MAP7: variants seen among roughly 807,000 people sequenced by gnomAD.
MAP7 encodes microtubule associated protein 7, also known as ensconsin.
A neutral mutation model predicts 94.8 loss-of-function variants in MAP7; 52 were observed. The observed-to-expected ratio is 0.55, with a 90% CI of 0.44 to 0.69. MAP7 has a LOEUF of 0.69. MAP7 is among the 30% of genes least tolerant of loss of function. MAP7 has a pLI of 0.00. For missense variants in MAP7, 940 were observed against 964.6 expected (o/e 0.97, Z 0.34); for synonymous variants, 350 against 357.0 (o/e 0.98, Z 0.22).
chr6:136,441,975 T>G (rs1262164359), intron 1 of MAP7, among the ~76,000 whole-genome samples: 1 of 152,090 alleles, frequency 6.6e-6, no homozygotes, highest in Non-Finnish European at 1.5e-5. Context: ...ATGGTGCCAC[T>G]GCACTCCAGC....
intron 3 of MAP7, among the ~76,000 whole-genome samples, chr6:136,405,955 T>C (rs1167938966): frequency 1.3e-5 from 2 of 152,222 alleles, no homozygotes; most frequent in East Asian, 3.8e-4. Flanking sequence ...CAGGAGGTTA[T>C]GAAATTTATT....
intron 8 of MAP7, among the ~76,000 whole-genome samples, chr6:136,371,134 T>C (rs1312448915): frequency 6.6e-6 from 1 of 152,106 alleles, no homozygotes; most frequent in African/African-American, 2.4e-5. Flanking sequence ...AAGAGGAAGG[T>C]AATAAAAACA....
intron 1 of MAP7, among the ~76,000 whole-genome samples, chr6:136,495,181 A>G (rs1032720712): frequency 2.6e-5 from 4 of 152,140 alleles, no homozygotes; most frequent in African/African-American, 9.7e-5. Context: ...GAACATGTAG[A>G]AAATTGATGG....
In MAP7 at chr6:136,361,134, C is replaced by G; in HGVS notation, c.1572G>C (p.Thr524=). 6.2e-7 allele frequency: 1 copy of G among 1,605,418 alleles called. No individual in the cohort carries two copies. Among genetic ancestry groups the G allele is most frequent in the Non-Finnish European group, 8.5e-7 (1 of 1,179,954 alleles). Residue 524 remains threonine (T), a synonymous_variant, in exon 12 of 18, where the codon ACG becomes ACC. Transcript: ENST00000354570. ...TGCGCGACTCCTCCTCACGGCGAGT[C>G]GTCCTCTCTTCAGCCACACGTTGAG... ...ELAQRVAEER[T]TRREEESRRL...
At chr6:136,358,640 T>C (rs1791655254) in intron 15 of MAP7, among the ~76,000 whole-genome samples, 1 of 152,222 alleles carries the variant, frequency 6.6e-6, no homozygotes, top group African/African-American at 2.4e-5. Flanking sequence ...CAATGTTCTG[T>C]CACATAAACC....
intron 1 of MAP7, among the ~76,000 whole-genome samples, chr6:136,480,159 GA>G (rs1353975739): frequency 6.6e-6 from 1 of 152,026 alleles, no homozygotes; most frequent in African/African-American, 2.4e-5. Flanking sequence ...CAGAACAATG[GA>G]ACAGAATAGA....
intron 1 of MAP7, among the ~76,000 whole-genome samples, chr6:136,450,198 A>C (rs527298770): frequency 1.3e-5 from 2 of 152,282 alleles, no homozygotes; most frequent in South Asian, 4.2e-4. Flanking sequence ...AATAAAAATA[A>C]AAATACCATT....
In MAP7 at chr6:136,363,174, C is replaced by A. The variant is rs1231712048; in HGVS notation, c.1274-472G>T. Among the ~76,000 whole-genome samples the A allele has an allele frequency of 4.6e-5, 7 of 152,246 alleles. No homozygotes were observed. In the East Asian group the frequency reaches 1.2e-3, roughly 25 times the overall value. ...AAGATGATACCCTATGAAGAGGACC[C>A]TTTTGTCTCCCCAGAGCTGTCTCTA... On this transcript the variant is annotated intron_variant, in intron 10 of 17. Transcript: ENST00000354570.
At chr6:136,383,629 A>C (rs1778389997) in intron 6 of MAP7, 42 bp downstream of exon 6, 1 of 1,076,716 alleles carries the variant, frequency 9.3e-7, no homozygotes, top group Admixed American at 2.6e-5. Flanking sequence ...AAAAAGCATT[A>C]AGTAAATAAC....
intron 1 of MAP7, among the ~76,000 whole-genome samples, chr6:136,483,321 A>T (rs1230832734): frequency 6.6e-6 from 1 of 152,008 alleles, no homozygotes; most frequent in East Asian, 1.9e-4. Flanking sequence ...GTACACATGG[A>T]CACCAAGAAG....
chr6:136,505,382 GGAGA>G (rs759012780), intron 1 of MAP7, among the ~76,000 whole-genome samples: 5 of 147,432 alleles, frequency 3.4e-5, no homozygotes, highest in Admixed American at 2.0e-4. Context: ...GGAGAGGAAG[GGAGA>G]GAGAGATGAA....
chr6:136,377,661 G>A lies in MAP7; in HGVS notation c.751+94C>T. On this transcript the variant is annotated intron_variant, in intron 7 of 17. Coordinates refer to ENST00000354570, the MANE Select transcript of MAP7 (RefSeq NM_003980.6). ...ACATTTCCACCGGGGGAAGAGAGAA[G>A]CGCATTTTAGGAAAAAGTGAGATGT... 3 of 896,454 alleles carry A rather than the reference G, an allele frequency of 3.3e-6. No individual in the cohort carries two copies. The South Asian group carries it at 4.2e-5, about 13-fold the overall frequency. 55.5% of individuals were successfully genotyped at this position (896,454 alleles called of 1,614,324 possible).
intron 6 of MAP7, among the ~76,000 whole-genome samples, chr6:136,380,758 A>G (rs1354044660): frequency 6.6e-6 from 1 of 152,238 alleles, no homozygotes; most frequent in African/African-American, 2.4e-5. Flanking sequence ...CAGTCCATGT[A>G]ACACCATATT....
intron 3 of MAP7, among the ~76,000 whole-genome samples, chr6:136,397,892 T>G (rs534050454): frequency 1.8e-4 from 28 of 152,280 alleles, no homozygotes; most frequent in African/African-American, 6.0e-4. Context: ...GTCCAAAAAA[T>G]GAACTGTGAT....
intron 1 of MAP7, among the ~76,000 whole-genome samples, chr6:136,463,974 C>G (rs1004447957): frequency 6.6e-6 from 1 of 152,148 alleles, no homozygotes; most frequent in Admixed American, 6.5e-5. Context: ...CTTGAGTTGG[C>G]CATACCACAT....
In MAP7 at chr6:136,389,530, T is replaced by C; in HGVS notation, c.245-13A>G. On this transcript the variant is annotated splice_polypyrimidine_tract_variant and intron_variant, in intron 3 of 17. Transcript: ENST00000354570. ...ATTTCTCTTGCAGCTTTGGGGAGGG[T>C]TAAAAAAAAAAAAAAAGAGGGAAAT... 1 of 1,582,852 alleles carries C rather than the reference T, an allele frequency of 6.3e-7. No homozygotes were observed. The highest frequency in any genetic ancestry group is 8.5e-7 in the Non-Finnish European group (1 of 1,173,314).
chr6:136,431,427 C>T (rs886869187), intron 1 of MAP7, among the ~76,000 whole-genome samples: 2 of 152,132 alleles, frequency 1.3e-5, no homozygotes, highest in Admixed American at 6.5e-5. Context: ...TACAAGTTTG[C>T]ATAGGGAAGG....
chr6:136,456,822 G>GAAGAAGAAGGAAGAA, intron 1 of MAP7, among the ~76,000 whole-genome samples: 1 of 69,038 alleles, frequency 1.4e-5, no homozygotes, highest in Non-Finnish European at 2.6e-5. Flanking sequence ...AGAAGAAGAA[G>GAAGAAGAAGGAAGAA]GAAGAAGAAG....
intron 16 of MAP7, among the ~76,000 whole-genome samples, chr6:136,351,947 C>G (rs569754783): frequency 2.2e-4 from 34 of 152,260 alleles, no homozygotes; most frequent in African/African-American, 7.9e-4. Flanking sequence ...CCCAGCACCC[C>G]CACTGGGGCA....
Sources: gnomAD v4.1 joint callset for allele counts (sites outside exome capture counted in the v4.1 genomes callset) on GRCh38, gnomAD v4.1.1 for gene constraint, MANE v1.5 for transcripts, NCBI Gene and HGNC (gene_info 2026-07-23, HGNC 2026-07-21) for gene names.